RBFOX1: variants seen among roughly 807,000 people sequenced by gnomAD.
RBFOX1 encodes RNA binding fox-1 homolog 1.
Under a neutral mutation model 57.7 loss-of-function variants are expected in RBFOX1, and 8 were observed. That is an observed-to-expected ratio of 0.14 (90% CI 0.08 to 0.25). The LOEUF (loss-of-function observed/expected upper bound fraction) is 0.25, where lower values mean the gene tolerates loss of function less well. Among genes scored for constraint, RBFOX1 ranks in the 10% least tolerant of loss-of-function variants. RBFOX1 has a pLI of 1.00. For missense variants in RBFOX1, 611 were observed against 548.5 expected, an observed-to-expected ratio of 1.11 and a Z score of -1.14; for synonymous variants, 326 against 222.4, an observed-to-expected ratio of 1.47 and a Z score of -4.15.
At chr16:5,737,860 A>T (rs1262280825) in intron 3 of RBFOX1, among the ~76,000 whole-genome samples, 3 of 152,098 alleles carry the variant, frequency 2.0e-5, no homozygotes, top group Admixed American at 2.0e-4. Context: ...ATTTTTATTT[A>T]TTTTTAAAAA....
At chr16:5,292,359 C>G (rs910874181) in intron 1 of RBFOX1, among the ~76,000 whole-genome samples, 3 of 152,162 alleles carry the variant, frequency 2.0e-5, no homozygotes, top group Non-Finnish European at 4.4e-5. Context: ...TTGTTTTCCC[C>G]CAAATCAATT....
At chr16:5,896,985 C>G (rs934938863) in intron 4 of RBFOX1, among the ~76,000 whole-genome samples, 1 of 145,318 alleles carries the variant, frequency 6.9e-6, no homozygotes, top group Non-Finnish European at 1.5e-5. Flanking sequence ...TCATAAGGCT[C>G]TCCACCCCCC....
At chr16:6,972,952 C>T (rs1357078465) in intron 3 of RBFOX1, among the ~76,000 whole-genome samples, 1 of 152,080 alleles carries the variant, frequency 6.6e-6, no homozygotes, top group East Asian at 1.9e-4. Context: ...GGTGAAACCC[C>T]ATCTCAACTA....
intron 2 of RBFOX1, among the ~76,000 whole-genome samples, chr16:6,460,257 C>T (rs540515443): frequency 1.1e-4 from 16 of 151,992 alleles, no homozygotes; most frequent in African/African-American, 3.4e-4. Context: ...TGTGTTTTTC[C>T]CTGTGTGTGT....
chr16:6,153,033 G>GTTTTTTTTTTTTTTTTTTTTT (rs59957159), intron 1 of RBFOX1, among the ~76,000 whole-genome samples: 1 of 128,136 alleles, frequency 7.8e-6, no homozygotes, highest in African/African-American at 2.8e-5. Context: ...GTTATTTTCT[G>GTTTTTTTTTTTTTTTTTTTTT]TTTTTTTTTT....
chr16:5,668,126 C>G (rs2049905243), intron 3 of RBFOX1, among the ~76,000 whole-genome samples: 1 of 152,006 alleles, frequency 6.6e-6, no homozygotes, highest in Non-Finnish European at 1.5e-5. Flanking sequence ...ACTAAAAATA[C>G]AAAAATTAGC....
At chr16:5,940,350 A>G (rs982522625) in intron 4 of RBFOX1, among the ~76,000 whole-genome samples, 1 of 152,162 alleles carries the variant, frequency 6.6e-6, no homozygotes, top group African/African-American at 2.4e-5. Flanking sequence ...TTTTCCAGGC[A>G]TGCCCTAAGA....
intron 1 of RBFOX1, among the ~76,000 whole-genome samples, chr16:5,359,683 G>A (rs183856166): frequency 1.8e-4 from 27 of 152,206 alleles, no homozygotes; most frequent in Non-Finnish European, 3.2e-4. Flanking sequence ...CTATTGAGTC[G>A]TTTGAGCTTC....
intron 3 of RBFOX1, among the ~76,000 whole-genome samples, chr16:6,872,829 G>A (rs893906800): frequency 5.3e-5 from 8 of 152,092 alleles, no homozygotes; most frequent in African/African-American, 1.9e-4. Context: ...TTCTGTTTGG[G>A]TCTTTAAAAG....
chr16:7,218,799 A>G (rs892785213), intron 4 of RBFOX1, among the ~76,000 whole-genome samples: 9 of 151,898 alleles, frequency 5.9e-5, no homozygotes, highest in South Asian at 2.1e-4. Flanking sequence ...GCACGATGCA[A>G]TCAGGAACCT....
At chr16:6,346,451 C>A (rs151026206) in intron 2 of RBFOX1, among the ~76,000 whole-genome samples, 4 of 152,244 alleles carry the variant, frequency 2.6e-5, no homozygotes, top group African/African-American at 9.6e-5. Context: ...GGCAGCTCAG[C>A]TTCAGATAAT....
intron 1 of RBFOX1, among the ~76,000 whole-genome samples, chr16:6,316,462 A>G (rs2081133845): frequency 6.6e-6 from 1 of 152,168 alleles, no homozygotes; most frequent in Non-Finnish European, 1.5e-5. Flanking sequence ...TTGAACTTTA[A>G]GTAAGTATCA....
At position 5,856,187 on chromosome 16, in the gene RBFOX1, C is replaced by CTCTCTCTATA. The variant is rs1430331422; in HGVS notation, c.319-11115_319-11114insCTCTCTATAT. 6.4e-5 allele frequency among the ~76,000 whole-genome samples: 2 copies of CTCTCTCTATA among 31,066 alleles called. 1 individual carries two copies. Among genetic ancestry groups the CTCTCTCTATA allele is most frequent in the African/African-American group, 2.8e-4 (2 of 7,082 alleles). The allele number at this position is 31,066 out of a possible 152,430, so 20.4% of individuals were successfully genotyped here. On this transcript the variant is annotated intron_variant, in intron 3 of 19. Coordinates refer to the RBFOX1 transcript ENST00000641259. Reference sequence around the variant, plus strand: ...TCTCTCTCTCTCTCTCTCTCTCTCTCTATATATATATATATATATACATAT... The same window carrying CTCTCTCTATA: ...TCTCTCTCTCTCTCTCTCTCTCTCTCTCTCTCTATATATATATATATATATATATACATAT...
chr16:6,078,915 C>T (rs914386132), intron 1 of RBFOX1, among the ~76,000 whole-genome samples: 1 of 152,192 alleles, frequency 6.6e-6, no homozygotes, highest in African/African-American at 2.4e-5. Context: ...GTAAAAATGT[C>T]ATCTGTCACA....
chr16:7,209,064 G>A (rs2141906), intron 4 of RBFOX1, among the ~76,000 whole-genome samples: 33,604 of 151,616 alleles, frequency 0.22, 4,462 homozygotes, highest in East Asian at 0.37. Flanking sequence ...GGAGGCCGAG[G>A]TGGTCAGATC....
chr16:5,983,763 A>T (rs1356945461), intron 4 of RBFOX1, among the ~76,000 whole-genome samples: 1 of 152,018 alleles, frequency 6.6e-6, no homozygotes, highest in Non-Finnish European at 1.5e-5. Flanking sequence ...AGTCATGAGT[A>T]TTCTGAACAG....
At chr16:6,168,927 T>C (rs186069780) in intron 1 of RBFOX1, among the ~76,000 whole-genome samples, 30 of 151,384 alleles carry the variant, frequency 2.0e-4, no homozygotes, top group Non-Finnish European at 1.5e-5. Flanking sequence ...GAGTCAGGAG[T>C]AGGAAGAAGG....
intron 1 of RBFOX1, among the ~76,000 whole-genome samples, chr16:6,105,207 C>G (rs529726972): frequency 6.6e-6 from 1 of 152,294 alleles, no homozygotes; most frequent in African/African-American, 2.4e-5. Flanking sequence ...TTTTAAGTTA[C>G]TGTTTTGGAG....
At chr16:7,117,148 G>C (rs937224804) in intron 4 of RBFOX1, among the ~76,000 whole-genome samples, 1 of 152,146 alleles carries the variant, frequency 6.6e-6, no homozygotes, top group Non-Finnish European at 1.5e-5. Context: ...ATAGTAAAGT[G>C]AGGGCTGGAA....
Sources: gnomAD v4.1 joint callset for allele counts (sites outside exome capture counted in the v4.1 genomes callset) on GRCh38, gnomAD v4.1.1 for gene constraint, MANE v1.5 for transcripts, NCBI Gene and HGNC (gene_info 2026-07-23, HGNC 2026-07-21) for gene names.